Variants in SYT14 observed in about 807,000 individuals in gnomAD.
SYT14 encodes the protein synaptotagmin 14.
Under a neutral mutation model 74.2 loss-of-function variants are expected in SYT14, and 32 were observed. That is an observed-to-expected ratio of 0.43 (90% CI 0.33 to 0.58). The LOEUF is 0.58. SYT14 is among the 20% of genes least tolerant of loss of function. The pLI, the probability that SYT14 is intolerant of heterozygous loss-of-function variation, is 0.05. For missense variants in SYT14, 791 were observed against 981.8 expected (o/e 0.81, Z 2.60); for synonymous variants, 298 against 337.7 (o/e 0.88, Z 1.29).
intron 5 of SYT14, among the ~76,000 whole-genome samples, chr1:210,045,861 C>T (rs1226224026): frequency 6.6e-5 from 10 of 151,942 alleles, no homozygotes; most frequent in South Asian, 2.1e-4. Context: ...AGGAAATTAT[C>T]GTTATATATT....
chr1:210,127,759 C>G (rs1374905217), intron 7 of SYT14, among the ~76,000 whole-genome samples: 1 of 152,192 alleles, frequency 6.6e-6, no homozygotes, highest in African/African-American at 2.4e-5. Context: ...GGCACAGTGG[C>G]TCACTCCTGT....
chr1:210,021,287 C>T (rs1409849834), intron 5 of SYT14, 33 bp downstream of exon 4: 2 of 1,567,330 alleles, frequency 1.3e-6, no homozygotes, highest in Admixed American at 3.3e-5. Flanking sequence ...TTTTACATGA[C>T]ACACTATAGT....
At chr1:210,056,880 G>T (rs2102398972) in intron 5 of SYT14, among the ~76,000 whole-genome samples, 1 of 147,054 alleles carries the variant, frequency 6.8e-6, no homozygotes, top group East Asian at 2.3e-4. Flanking sequence ...GTCTTGCTCT[G>T]TCACCCAGGC....
At chr1:209,992,731 G>A (rs2079716032) in intron 2 of SYT14, among the ~76,000 whole-genome samples, 1 of 152,030 alleles carries the variant, frequency 6.6e-6, no homozygotes, top group Non-Finnish European at 1.5e-5. Context: ...AAACTGAAGG[G>A]GGGACAAGAT....
intron 2 of SYT14, among the ~76,000 whole-genome samples, chr1:209,986,628 T>G (rs2079575132): frequency 6.6e-6 from 1 of 151,704 alleles, no homozygotes. Context: ...AAAAAAAAAT[T>G]TCTTCCGCCA....
chr1:209,990,058 C>T (rs2079638336), intron 2 of SYT14, among the ~76,000 whole-genome samples: 1 of 152,098 alleles, frequency 6.6e-6, no homozygotes, highest in South Asian at 2.1e-4. Flanking sequence ...TTACAGACCT[C>T]CTGTTTGCTA....
At chr1:209,982,878 A>G (rs2079511217) in intron 2 of SYT14, among the ~76,000 whole-genome samples, 3 of 152,056 alleles carry the variant, frequency 2.0e-5, no homozygotes, top group Admixed American at 2.0e-4. Flanking sequence ...AGTGTTCTGG[A>G]TTTTGGCCAT....
intron 2 of SYT14, among the ~76,000 whole-genome samples, chr1:210,008,601 G>A (rs529258446): frequency 1.3e-5 from 2 of 152,192 alleles, no homozygotes; most frequent in East Asian, 1.9e-4. Context: ...GACCTCAGGT[G>A]ACCCACCTGC....
At chr1:210,131,160 AAATAATAGTTGTGTT>A (rs1439970222) in intron 7 of SYT14, among the ~76,000 whole-genome samples, 1 of 152,186 alleles carries the variant, frequency 6.6e-6, no homozygotes, top group Non-Finnish European at 1.5e-5. Flanking sequence ...AACAGTCAGT[AAATAATAGTTGTGTT>A]AATATTATCA....
chr1:210,125,238 C>G (rs2082546252), intron 7 of SYT14, among the ~76,000 whole-genome samples: 1 of 125,340 alleles, frequency 8.0e-6, no homozygotes, highest in Admixed American at 8.6e-5. Flanking sequence ...TTTTGAAATT[C>G]CCGGAGTCTG....
chr1:210,059,451 TAGAGAGAGAG>T (rs1553272603), intron 5 of SYT14, among the ~76,000 whole-genome samples: 37 of 69,904 alleles, frequency 5.3e-4, no homozygotes, highest in South Asian at 6.0e-4. Flanking sequence ...TATATATATA[TAGAGAGAGAG>T]AGAGAGAGAG....
chr1:210,010,389 G>T (rs1044653512), intron 2 of SYT14, among the ~76,000 whole-genome samples: 2 of 152,088 alleles, frequency 1.3e-5, no homozygotes, highest in African/African-American at 4.8e-5. Context: ...AGATACAGAG[G>T]TAAATAAATA....
chr1:209,954,388 A>G (rs1478952262), intron 2 of SYT14, among the ~76,000 whole-genome samples: 2 of 151,660 alleles, frequency 1.3e-5, no homozygotes, highest in African/African-American at 4.8e-5. Context: ...AGATTTCTCT[A>G]TATTAGTCTA....
At chr1:210,132,877 A>G (rs1435868553) in intron 7 of SYT14, among the ~76,000 whole-genome samples, 2 of 152,162 alleles carry the variant, frequency 1.3e-5, no homozygotes, top group African/African-American at 4.8e-5. Flanking sequence ...CCACTGTTAC[A>G]GATCTAACTA....
intron 2 of SYT14, among the ~76,000 whole-genome samples, chr1:209,955,154 C>G (rs1348861853): frequency 2.0e-5 from 3 of 152,086 alleles, no homozygotes; most frequent in Non-Finnish European, 2.9e-5. Flanking sequence ...TTGATTTTAT[C>G]TAGTTCTGTT....
chr1:210,119,419 C>T (rs2082416583), intron 7 of SYT14, among the ~76,000 whole-genome samples: 1 of 152,276 alleles, frequency 6.6e-6, no homozygotes, highest in South Asian at 2.1e-4. Context: ...TTAAGAAATA[C>T]TGAATGCAGC....
exon 3 of SYT14, chr1:210,013,740 G>T (rs757948488): frequency 6.2e-6 from 10 of 1,612,614 alleles, no homozygotes; most frequent in Non-Finnish European, 8.5e-6. Flanking sequence ...AAATGTTGGC[G>T]GGTTTCCAGA....
chr1:210,102,739 T>C (rs1009122155), intron 7 of SYT14, among the ~76,000 whole-genome samples: 1 of 152,104 alleles, frequency 6.6e-6, no homozygotes, highest in African/African-American at 2.4e-5. Flanking sequence ...TGGGGTGTAG[T>C]AGTGCAATCA....
rs2081766318 is a variant in SYT14 at position 210,087,765 on chromosome 1, G to C, written c.1313-6557G>C. 2.0e-5 allele frequency among the ~76,000 whole-genome samples: 3 copies of C among 152,144 alleles called. No homozygotes were observed. The South Asian group carries it at 6.2e-4, about 32-fold the overall frequency. ...GGACACCCTTCTGTCATCTCACTGG[G>C]GCCCAGGCCCTGAGATACCACACTG... On this transcript the variant is annotated intron_variant, in intron 5 of 9. Transcript: ENST00000637265.
Sources: allele counts gnomAD v4.1 joint callset (sites outside exome capture counted in the v4.1 genomes callset), GRCh38; gene constraint gnomAD v4.1.1; transcripts MANE v1.5; gene names NCBI Gene and HGNC (gene_info 2026-07-23, HGNC 2026-07-21).